Variants in SLC25A21 observed in about 807,000 individuals in gnomAD.
SLC25A21 encodes the protein mitochondrial 2-oxodicarboxylate carrier.
A neutral mutation model predicts 43.8 loss-of-function variants in SLC25A21; 47 were observed. That is an observed-to-expected ratio of 1.07 (90% confidence interval 0.85 to 1.37). SLC25A21 has a LOEUF of 1.37. Among genes scored for constraint, SLC25A21 ranks in the 40% most tolerant of loss-of-function variants. The pLI is 0.00. For missense variants in SLC25A21, 352 were observed against 350.2 expected (o/e 1.00, Z -0.04); for synonymous variants, 131 against 121.3 (o/e 1.08, Z -0.52).
At position 36,910,958 on chromosome 14, in the gene SLC25A21, T is replaced by TA. The variant is rs1390800923; in HGVS notation, c.71-35955dup. ...TGCTTTCTATTCCTATGTATTGTGA[T>TA]AAAAAAGTTAATTAGGTTTTAATAT... On this transcript the variant is annotated intron_variant, in intron 1 of 9. Coordinates refer to ENST00000331299, the MANE Select transcript of SLC25A21 (RefSeq NM_030631.4). Among the ~76,000 whole-genome samples the TA allele has an allele frequency of 6.6e-5, 10 of 152,308 alleles. No homozygotes were observed. The East Asian group carries it at 1.7e-3, about 26-fold the overall frequency.
chr14:37,147,433 C>G (rs1594817152), intron 1 of SLC25A21, among the ~76,000 whole-genome samples: 1 of 151,980 alleles, frequency 6.6e-6, no homozygotes, highest in East Asian at 1.9e-4. Context: ...CTGCTGGCAC[C>G]TTCCTATCTC....
At chr14:36,861,931 C>T (rs1890075714) in intron 2 of SLC25A21, among the ~76,000 whole-genome samples, 1 of 151,940 alleles carries the variant, frequency 6.6e-6, no homozygotes, top group African/African-American at 2.4e-5. Flanking sequence ...CAAACAACCC[C>T]ATAAAAAAGT....
intron 3 of SLC25A21, among the ~76,000 whole-genome samples, chr14:36,768,628 C>A (rs780544498): frequency 2.9e-4 from 44 of 152,100 alleles, no homozygotes; most frequent in Non-Finnish European, 5.3e-4. Flanking sequence ...GACCTGGATC[C>A]AAATCTCTTC....
intron 1 of SLC25A21, among the ~76,000 whole-genome samples, chr14:37,128,696 T>A (rs776638889): frequency 1.9e-4 from 29 of 152,004 alleles, no homozygotes; most frequent in Non-Finnish European, 7.4e-5. Flanking sequence ...CAGGTGATCC[T>A]CCCACCTCAG....
At chr14:37,061,143 T>G (rs1157771263) in intron 1 of SLC25A21, among the ~76,000 whole-genome samples, 1 of 152,158 alleles carries the variant, frequency 6.6e-6, no homozygotes, top group African/African-American at 2.4e-5. Context: ...CCCTGAACTT[T>G]CCATTGTAAA....
At chr14:37,125,499 A>G (rs960077970) in intron 1 of SLC25A21, among the ~76,000 whole-genome samples, 2 of 152,156 alleles carry the variant, frequency 1.3e-5, no homozygotes, top group Non-Finnish European at 2.9e-5. Context: ...ATTATTTGGG[A>G]TTCAAAGAAG....
At chr14:36,740,451 A>G (rs1885207116) in intron 3 of SLC25A21, among the ~76,000 whole-genome samples, 1 of 152,234 alleles carries the variant, frequency 6.6e-6, no homozygotes, top group African/African-American at 2.4e-5. Context: ...AAGCAGATAC[A>G]CAGTGCTACA....
intron 7 of SLC25A21, among the ~76,000 whole-genome samples, chr14:36,690,946 T>TA (rs1882770619): frequency 6.6e-6 from 1 of 152,168 alleles, no homozygotes; most frequent in Admixed American, 6.5e-5. Context: ...TAATTTATTT[T>TA]AAAAACTGGA....
chr14:37,070,114 G>A (rs1049471803), intron 1 of SLC25A21, among the ~76,000 whole-genome samples: 1 of 152,094 alleles, frequency 6.6e-6, no homozygotes, highest in East Asian at 1.9e-4. Context: ...AGGATCCAGG[G>A]TTTTGTTTTG....
intron 3 of SLC25A21, among the ~76,000 whole-genome samples, chr14:36,736,091 A>G (rs1885027918): frequency 6.6e-6 from 1 of 151,132 alleles, no homozygotes; most frequent in Non-Finnish European, 1.5e-5. Context: ...ACCCGCCACC[A>G]CGCCCGGCTA....
At chr14:36,820,025 G>A (rs935288398) in intron 2 of SLC25A21, among the ~76,000 whole-genome samples, 3 of 152,138 alleles carry the variant, frequency 2.0e-5, no homozygotes, top group African/African-American at 7.2e-5. Context: ...TTTTTAGTTA[G>A]ATCATATGAT....
intron 1 of SLC25A21, among the ~76,000 whole-genome samples, chr14:36,990,321 A>G (rs1960234968): frequency 6.6e-6 from 1 of 152,176 alleles, no homozygotes; most frequent in Admixed American, 6.6e-5. Context: ...AGCTCTCTCC[A>G]TGCAACTGAT....
intron 1 of SLC25A21, among the ~76,000 whole-genome samples, chr14:36,961,545 A>G (rs933397816): frequency 6.6e-6 from 1 of 152,128 alleles, no homozygotes; most frequent in African/African-American, 2.4e-5. Context: ...CCTAAGAGTG[A>G]CTTGTCACTT....
In SLC25A21 at chr14:36,759,051, G is replaced by C. The variant is rs534698836; in HGVS notation, c.204-24478C>G. On this transcript the variant is annotated intron_variant, in intron 3 of 9. Transcript: ENST00000331299. ...TCTGAGCTCTGAGATGAAACCCTGA[G>C]TCCCAGGTATTGCCCACACTGGGAG... 2.0e-5 allele frequency among the ~76,000 whole-genome samples: 3 copies of C among 152,264 alleles called. No individual in the cohort carries two copies. In the South Asian group the frequency reaches 6.2e-4, roughly 32 times the overall value.
chr14:37,167,708 A>C (rs1254835417), intron 1 of SLC25A21, among the ~76,000 whole-genome samples: 1 of 152,092 alleles, frequency 6.6e-6, no homozygotes, highest in Non-Finnish European at 1.5e-5. Flanking sequence ...TGTGAAGCCT[A>C]AGATCAGGGC....
At chr14:37,001,319 T>A (rs994737816) in intron 1 of SLC25A21, among the ~76,000 whole-genome samples, 14 of 152,254 alleles carry the variant, frequency 9.2e-5, no homozygotes, top group African/African-American at 3.4e-4. Context: ...AATGCATTGT[T>A]TCATGGGATC....
chr14:36,684,715 T>G lies in SLC25A21; in HGVS notation c.785+29A>C, dbSNP rs763959858. The G allele has an allele frequency of 3.8e-6, 6 of 1,578,236 alleles. No homozygotes were observed. The African/African-American group carries it at 8.1e-5, about 21-fold the overall frequency. On this transcript the variant is annotated intron_variant, in intron 8 of 9. Transcript: ENST00000331299. ...TCTAACAATACGTGAGCCTCATACA[T>G]TTATTAAAATAAGAATGTGTTATGT... is the stretch of plus-strand genomic sequence containing the variant.
intron 1 of SLC25A21, among the ~76,000 whole-genome samples, chr14:37,114,100 ATTTG>A (rs149244505): frequency 0.023 from 3,470 of 152,222 alleles, 121 homozygotes; most frequent in Admixed American, 0.091. Flanking sequence ...TCAGATTTTT[ATTTG>A]TTTGCTTTTC....
At chr14:36,970,399 A>G (rs1959723119) in intron 1 of SLC25A21, among the ~76,000 whole-genome samples, 1 of 152,226 alleles carries the variant, frequency 6.6e-6, no homozygotes, top group South Asian at 2.1e-4. Flanking sequence ...TTACTGAGTC[A>G]GGGTCATGTC....
Sources: allele counts gnomAD v4.1 joint callset (sites outside exome capture counted in the v4.1 genomes callset), GRCh38; gene constraint gnomAD v4.1.1; transcripts MANE v1.5; gene names NCBI Gene and HGNC (gene_info 2026-07-23, HGNC 2026-07-21).